The following TBC1D4 variants were observed in gnomAD, a reference collection of about 807,000 sequenced individuals.
The protein encoded by TBC1D4 is TBC (Tre-2, BUB2, CDC16) domain-containing protein.
Under a neutral mutation model 142.5 loss-of-function variants are expected in TBC1D4, and 121 were observed. That is an observed-to-expected ratio of 0.85 (90% CI 0.73 to 0.99). The LOEUF (loss-of-function observed/expected upper bound fraction) is 0.99. TBC1D4 is among the 50% of genes least tolerant of loss of function. The pLI, the probability that TBC1D4 is intolerant of heterozygous loss-of-function variation, is 0.00. For synonymous variants in TBC1D4, 630 were observed against 628.2 expected (o/e 1.00, Z -0.04); for missense variants, 1,475 against 1,606.6 (o/e 0.92, Z 1.40).
intron 1 of TBC1D4, among the ~76,000 whole-genome samples, chr13:75,479,691 G>A (rs1888755474): frequency 6.6e-6 from 1 of 151,644 alleles, no homozygotes; most frequent in Admixed American, 6.6e-5. Context: ...ACCAGAACCA[G>A]AAAAATGTAA....
intron 1 of TBC1D4, among the ~76,000 whole-genome samples, chr13:75,418,683 C>T (rs958714609): frequency 6.6e-6 from 1 of 152,202 alleles, no homozygotes. Context: ...CACAGCCTTA[C>T]ATAAGCAATT....
intron 1 of TBC1D4, among the ~76,000 whole-genome samples, chr13:75,372,554 G>A (rs1159952858): frequency 1.3e-5 from 2 of 152,212 alleles, no homozygotes; most frequent in South Asian, 2.1e-4. Flanking sequence ...ATAGGCGTGA[G>A]CCTCCAAGCC....
chr13:75,418,771 A>G (rs529327088), intron 1 of TBC1D4, among the ~76,000 whole-genome samples: 1 of 152,202 alleles, frequency 6.6e-6, no homozygotes, highest in South Asian at 2.1e-4. Flanking sequence ...TTTTGGAATC[A>G]CAGATATTCT....
At chr13:75,397,338 G>A (rs1884847222) in intron 1 of TBC1D4, among the ~76,000 whole-genome samples, 1 of 152,068 alleles carries the variant, frequency 6.6e-6, no homozygotes, top group Admixed American at 6.6e-5. Context: ...ATCACGATGT[G>A]ATGATATCAA....
chr13:75,290,059 A>G (rs1024506743), intron 19 of TBC1D4, among the ~76,000 whole-genome samples: 1 of 152,198 alleles, frequency 6.6e-6, no homozygotes, highest in East Asian at 1.9e-4. Flanking sequence ...TACAACCATT[A>G]AAAATGATAA....
intron 2 of TBC1D4, among the ~76,000 whole-genome samples, 177 bp downstream of exon 2, chr13:75,361,849 C>G (rs533065025): frequency 6.6e-6 from 1 of 152,148 alleles, no homozygotes; most frequent in Non-Finnish European, 1.5e-5. Flanking sequence ...TGCCTCTCCC[C>G]CCTTCCCTAC....
At chr13:75,367,008 C>A (rs1275241425) in intron 1 of TBC1D4, 5 of 984,558 alleles carry the variant, frequency 5.1e-6, no homozygotes, top group Non-Finnish European at 4.8e-6. Context: ...TCTAAGTTCT[C>A]TCTTTCTAAA....
At chr13:75,419,181 T>C (rs1886054878) in intron 1 of TBC1D4, among the ~76,000 whole-genome samples, 1 of 152,348 alleles carries the variant, frequency 6.6e-6, no homozygotes, top group African/African-American at 2.4e-5. Flanking sequence ...ATTTTTACAA[T>C]TGCCTCAGAT....
intron 1 of TBC1D4, among the ~76,000 whole-genome samples, chr13:75,365,695 T>A (rs185235810): frequency 1.5e-4 from 23 of 152,344 alleles, no homozygotes; most frequent in Admixed American, 1.2e-3. Flanking sequence ...ATGTGTTGTA[T>A]CTTTTCAATA....
intron 1 of TBC1D4, among the ~76,000 whole-genome samples, chr13:75,368,189 GAACTGTAA>G (rs1281881874): frequency 2.0e-5 from 3 of 152,270 alleles, no homozygotes; most frequent in African/African-American, 4.8e-5. Context: ...GAAAATGATA[GAACTGTAA>G]AACTGTAAAA....
chr13:75,427,515 C>G (rs950206282), intron 1 of TBC1D4, among the ~76,000 whole-genome samples: 1 of 152,106 alleles, frequency 6.6e-6, no homozygotes, highest in Non-Finnish European at 1.5e-5. Flanking sequence ...AAGACCCTGT[C>G]TCTATTTTTG....
At chr13:75,296,350 A>G (rs1875926344) in intron 17 of TBC1D4, among the ~76,000 whole-genome samples, 1 of 152,232 alleles carries the variant, frequency 6.6e-6, no homozygotes, top group South Asian at 2.1e-4. Context: ...AAAAATCAAA[A>G]AAGTCTAATT....
chr13:75,472,173 C>A lies in TBC1D4; in HGVS notation c.498+9097G>T, dbSNP rs1888437329. On this transcript the variant is annotated intron_variant, in intron 1 of 20. Coordinates refer to ENST00000377636, the MANE Select transcript of TBC1D4 (RefSeq NM_014832.5). ...ATTGCGGTGGCTCACGCCTGTAATC[C>A]CAGCATTTTGGGAGGCTGAAGTGGT... 4.0e-5 allele frequency among the ~76,000 whole-genome samples: 6 copies of A among 151,604 alleles called. No homozygotes were observed. In the South Asian group the frequency reaches 1.3e-3, roughly 32 times the overall value.
chr13:75,481,787 C>G lies in TBC1D4; in HGVS notation c.-20G>C. On this transcript the variant is annotated 5_prime_UTR_variant, in exon 1 of 21. Coordinates refer to ENST00000377636, the MANE Select transcript of TBC1D4 (RefSeq NM_014832.5). ...CTCCATAACTCTCGCCTCACCAGGG[C>G]ACCGCGGAGGCCGGCCGGGCGCACC... 1 of 1,509,148 alleles carries G rather than the reference C, an allele frequency of 6.6e-7. No homozygotes were observed. The highest frequency in any genetic ancestry group is 8.8e-7 in the Non-Finnish European group (1 of 1,137,764). 93.5% of individuals were successfully genotyped at this position (1,509,148 alleles called of 1,614,324 possible). A position where few individuals can be genotyped will look rare whatever the true frequency, so the allele number is the denominator to read the frequency against.
At position 75,320,027 on chromosome 13, in the gene TBC1D4, C is replaced by G; in HGVS notation, c.2209G>C (p.Ala737Pro). Residue 737 changes from alanine to proline, a missense_variant, in exon 12 of 21, where the codon GCT (alanine) becomes CCT (proline). This residue lies in a region of TBC1D4 where 1,227 missense variants were observed against 1,267.7 expected (regional missense o/e 0.97). Transcript: ENST00000377636. Reference sequence around the variant, plus strand: ...ACCTCTAATCACCTTGATTCTGAAGCAGTGTCTTGTCTGGTACAACAGGAA... The same window carrying G: ...ACCTCTAATCACCTTGATTCTGAAGGAGTGTCTTGTCTGGTACAACAGGAA... ...QYENEIRQDT[A>P]SESSDGEGRK... is the part of the protein sequence containing the mutation. 6.2e-7 allele frequency: 1 copy of G among 1,613,230 alleles called. No individual in the cohort carries two copies.
intron 1 of TBC1D4, among the ~76,000 whole-genome samples, chr13:75,455,806 A>C (rs1887709485): frequency 6.6e-6 from 1 of 152,172 alleles, no homozygotes; most frequent in Non-Finnish European, 1.5e-5. Flanking sequence ...GTAAAGACAC[A>C]GCCTTGATGT....
intron 3 of TBC1D4, among the ~76,000 whole-genome samples, chr13:75,356,721 T>C (rs1882080208): frequency 6.6e-6 from 1 of 152,236 alleles, no homozygotes; most frequent in Non-Finnish European, 1.5e-5. Flanking sequence ...ATTGGAATGT[T>C]TGTCTCTTTA....
At chr13:75,461,823 C>T (rs76004140) in intron 1 of TBC1D4, among the ~76,000 whole-genome samples, 6,983 of 152,260 alleles carry the variant, frequency 0.046, 521 homozygotes, top group African/African-American at 0.15. Context: ...GAAACTTCCA[C>T]ATTTCTTGAA....
intron 1 of TBC1D4, among the ~76,000 whole-genome samples, chr13:75,421,524 A>T (rs144001837): frequency 6.6e-6 from 1 of 152,314 alleles, no homozygotes; most frequent in Non-Finnish European, 1.5e-5. Context: ...CTTTCCTGTT[A>T]CAAAATGTTC....
Sources: allele counts gnomAD v4.1 joint callset (sites outside exome capture counted in the v4.1 genomes callset), GRCh38; gene constraint gnomAD v4.1.1; regional missense constraint gnomAD v4.1.1; transcripts MANE v1.5; gene names NCBI Gene and HGNC (gene_info 2026-07-23, HGNC 2026-07-21).